ABCA1: variants seen among roughly 807,000 people sequenced by gnomAD.
ABCA1 encodes phospholipid-transporting ATPase ABCA1.
Under a neutral mutation model 262.5 loss-of-function variants are expected in ABCA1, and 133 were observed. The ratio of observed to expected loss-of-function variants is 0.51; its 90% CI spans 0.44 to 0.59. The LOEUF is 0.59. Ranked by LOEUF, ABCA1 falls within the 20% of genes least tolerant of loss-of-function variation. The pLI is 0.00. For missense variants in ABCA1, 2,452 were observed against 2,777.5 expected (o/e 0.88, Z 2.63); for synonymous variants, 1,022 against 1,043.5 (o/e 0.98, Z 0.40).
rs1159838623 is a variant in ABCA1 at position 104,798,607 on chromosome 9, A to G, written c.4944-9T>C. On this transcript the variant is annotated splice_polypyrimidine_tract_variant and intron_variant, in intron 36 of 49. Coordinates refer to ENST00000374736, the MANE Select transcript of ABCA1 (RefSeq NM_005502.4). ...CCACTGATGTGGTCATCCTGGAGAG[A>G]AAAAGCGTGTGAAAATCTGAGGGGT... is the stretch of plus-strand genomic sequence containing the variant. 6.2e-7 allele frequency: 1 copy of G among 1,613,370 alleles called. No individual in the cohort carries two copies. The highest frequency in any genetic ancestry group is 2.2e-5 in the East Asian group (1 of 44,856).
At chr9:104,806,114 A>G in intron 31 of ABCA1, 127 bp downstream of exon 31, 1 of 1,085,826 alleles carries the variant, frequency 9.2e-7, no homozygotes, top group Non-Finnish European at 1.3e-6. Flanking sequence ...CAGAAAAAAA[A>G]ACAAAAAACA....
intron 19 of ABCA1, among the ~76,000 whole-genome samples, chr9:104,822,161 G>A (rs116092725): frequency 0.025 from 3,865 of 152,236 alleles, 158 homozygotes; most frequent in African/African-American, 0.085. Flanking sequence ...TCTCACATCT[G>A]CTTAGAGACA....
At chr9:104,832,866 T>C (rs1017109086) in intron 11 of ABCA1, 95 bp from the exon 12 acceptor site, 11 of 1,158,864 alleles carry the variant, frequency 9.5e-6, no homozygotes, top group African/African-American at 1.5e-5. Context: ...ACACTGTCGT[T>C]GTTTTATCCT....
intron 1 of ABCA1, among the ~76,000 whole-genome samples, chr9:104,920,559 C>T (rs1181450338): frequency 6.6e-6 from 1 of 152,012 alleles, no homozygotes; most frequent in Non-Finnish European, 1.5e-5. Context: ...TGGAGTCTCG[C>T]TCTGTGCAGT....
chr9:104,895,778 CTG>C (rs1355644042), intron 2 of ABCA1, among the ~76,000 whole-genome samples: 2 of 152,160 alleles, frequency 1.3e-5, no homozygotes, highest in African/African-American at 4.8e-5. Flanking sequence ...TCCAGTCACT[CTG>C]TGAACCCATT....
intron 5 of ABCA1, among the ~76,000 whole-genome samples, chr9:104,879,150 A>C (rs1838411061): frequency 6.6e-6 from 1 of 152,200 alleles, no homozygotes. Context: ...CTAAGATCAG[A>C]AAGTCTGCTT....
intron 9 of ABCA1, among the ~76,000 whole-genome samples, chr9:104,839,879 G>A (rs1184921220): frequency 6.6e-6 from 1 of 152,114 alleles, no homozygotes; most frequent in Non-Finnish European, 1.5e-5. Flanking sequence ...AAGATCCCAG[G>A]AACTTATTCA....
intron 7 of ABCA1, among the ~76,000 whole-genome samples, chr9:104,848,806 C>T (rs564584273): frequency 6.6e-6 from 1 of 152,136 alleles, no homozygotes; most frequent in South Asian, 2.1e-4. Context: ...TGTGTCTGGT[C>T]CGCATACTAC....
At chr9:104,820,807 G>T (rs1210184706) in intron 20 of ABCA1, among the ~76,000 whole-genome samples, 4 of 152,128 alleles carry the variant, frequency 2.6e-5, no homozygotes. Context: ...TGACAATAAT[G>T]GGAAGCAATG....
chr9:104,823,234 G>T (rs1280202059), intron 18 of ABCA1, among the ~76,000 whole-genome samples: 1 of 152,184 alleles, frequency 6.6e-6, no homozygotes, highest in African/African-American at 2.4e-5. Flanking sequence ...GCATGAAGGA[G>T]CTTTGTGACA....
At chr9:104,800,459 A>G (rs369391822) in intron 35 of ABCA1, 51 bp downstream of exon 35, 5 of 1,555,112 alleles carry the variant, frequency 3.2e-6, no homozygotes, top group South Asian at 1.1e-5. Flanking sequence ...TCCAGGAAAC[A>G]TAAGGATTAT....
chr9:104,826,996 C>A lies in ABCA1; in HGVS notation c.2289G>T (p.Leu763=), dbSNP rs755356494. The change falls in exon 16 of 50, where the codon CTG becomes CTT. Residue 763 remains leucine, a synonymous_variant. Coordinates refer to ENST00000374736, the MANE Select transcript of ABCA1 (RefSeq NM_005502.4). ...IYFTLYLPYV[L]CVAWQDYVGF... ...CCACGTAGTCCTGCCATGCCACACACAGGACGTAGGGCAGGTACAGCGTGA... is the reference window on the plus strand; with the variant it reads ...CCACGTAGTCCTGCCATGCCACACAAAGGACGTAGGGCAGGTACAGCGTGA... 4.3e-6 allele frequency: 7 copies of A among 1,614,198 alleles called. No homozygotes were observed. The highest frequency in any genetic ancestry group is 5.9e-6 in the Non-Finnish European group (7 of 1,180,046).
chr9:104,927,002 G>A (rs921740365), intron 1 of ABCA1, among the ~76,000 whole-genome samples: 1 of 151,902 alleles, frequency 6.6e-6, no homozygotes, highest in East Asian at 1.9e-4. Context: ...ACCTGAGGTC[G>A]AGGGTTCGAG....
chr9:104,882,972 C>A, intron 5 of ABCA1, 67 bp downstream of exon 5: 1 of 1,371,622 alleles, frequency 7.3e-7, no homozygotes, highest in Non-Finnish European at 1.0e-6. Flanking sequence ...GACACCTGGG[C>A]TACTCTCTTT....
At chr9:104,830,195 G>C (rs1158889192) in intron 14 of ABCA1, among the ~76,000 whole-genome samples, 1 of 152,220 alleles carries the variant, frequency 6.6e-6, no homozygotes, top group Non-Finnish European at 1.5e-5. Flanking sequence ...AAGAAGCTTT[G>C]TTCAGTTTTA....
chr9:104,892,937 T>G (rs1564262654), intron 2 of ABCA1, among the ~76,000 whole-genome samples: 2 of 152,210 alleles, frequency 1.3e-5, no homozygotes, highest in Admixed American at 6.5e-5. Context: ...TACTCAACAA[T>G]ATATCATGCC....
At chr9:104,855,503 C>A in intron 7 of ABCA1, 1 of 656,198 alleles carries the variant, frequency 1.5e-6, no homozygotes, top group Non-Finnish European at 2.3e-6. Flanking sequence ...CTGTGCCTGG[C>A]TGAAAACTTC....
At position 104,824,448 on chromosome 9, in the gene ABCA1, A is replaced by T; in HGVS notation, c.2656+17T>A. ...AGCACTAGGTTAAAGAAAGAGCAGG[A>T]GGTCAACAGCACTTACTTTCTGATA... On this transcript the variant is annotated intron_variant, in intron 18 of 49. Coordinates refer to ENST00000374736, the MANE Select transcript of ABCA1 (RefSeq NM_005502.4). 6.2e-7 allele frequency: 1 copy of T among 1,614,008 alleles called. No individual in the cohort carries two copies. The highest frequency in any genetic ancestry group is 2.2e-5 in the East Asian group (1 of 44,876).
chr9:104,852,783 G>C lies in ABCA1; in HGVS notation c.720+5739C>G, dbSNP rs1364955675. ...CAGGTGGGCAGTCAAATCACACAAAGCCAAACAAAATCTGATACTTTCCAA... is the reference window on the plus strand; with the variant it reads ...CAGGTGGGCAGTCAAATCACACAAACCCAAACAAAATCTGATACTTTCCAA... On this transcript the variant is annotated intron_variant, in intron 7 of 49. Transcript: ENST00000374736. 2.6e-5 allele frequency among the ~76,000 whole-genome samples: 4 copies of C among 152,204 alleles called. No homozygotes were observed. The East Asian group carries it at 7.7e-4, about 29-fold the overall frequency.
Sources: gnomAD v4.1 joint callset for allele counts (sites outside exome capture counted in the v4.1 genomes callset) on GRCh38, gnomAD v4.1.1 for gene constraint, MANE v1.5 for transcripts, NCBI Gene and HGNC (gene_info 2026-07-23, HGNC 2026-07-21) for gene names.